Variants in MRGPRX3 observed in about 807,000 individuals in gnomAD.
MRGPRX3 encodes the protein MAS related GPR family member X3, also known as mas-related G protein-coupled receptor member X3.
MRGPRX3 carries 14 observed loss-of-function variants against 16.5 expected under a neutral mutation model. The ratio of observed to expected loss-of-function variants is 0.85; its 90% CI spans 0.56 to 1.33. The LOEUF is 1.33. Ranked by LOEUF, MRGPRX3 falls within the 40% of genes most tolerant of loss-of-function variation. The pLI is 0.00. For missense variants in MRGPRX3, 449 were observed against 413.0 expected (o/e 1.09, Z -0.76); for synonymous variants, 199 against 180.1 (o/e 1.10, Z -0.84).
chr11:18,130,316 A>G (rs1232883424), upstream of MRGPRX3, among the ~76,000 whole-genome samples: 3 of 152,192 alleles, frequency 2.0e-5, no homozygotes, highest in African/African-American at 7.2e-5. Flanking sequence ...GAACTGATAC[A>G]TAAATTCAGT....
intron 1 of MRGPRX3, among the ~76,000 whole-genome samples, chr11:18,124,260 T>G (rs1038140797): frequency 1.3e-5 from 2 of 152,354 alleles, no homozygotes; most frequent in African/African-American, 4.8e-5. Flanking sequence ...CATCCCTGTC[T>G]TGTGCCAGTT....
intron 1 of MRGPRX3, among the ~76,000 whole-genome samples, chr11:18,135,195 TTTAAAGAACATCA>T (rs1848997704): frequency 6.6e-6 from 1 of 152,190 alleles, no homozygotes; most frequent in South Asian, 2.1e-4. Context: ...ATAGACAGTC[TTTAAAGAACATCA>T]TAGCATGTTA....
chr11:18,137,719 T>C lies in MRGPRX3; in HGVS notation c.517T>C (p.Cys173Arg). Residue 173 changes from cysteine (C) to arginine (R), a missense_variant, in exon 2 of 2, where the codon TGT (cysteine) becomes CGT (arginine). By Grantham distance (180) the Cys-to-Arg change is radical. Transcript: ENST00000621697. ...GTTTAGTGGTGCTAATTCTGTTTGGTGTGAAACGTCAGATTTCATTACAAT... is the reference window on the plus strand; with the variant it reads ...GTTTAGTGGTGCTAATTCTGTTTGGCGTGAAACGTCAGATTTCATTACAAT... ...FLFSGANSVW[C>R]ETSDFITIAW... 1 of 1,614,082 alleles carries C rather than the reference T, an allele frequency of 6.2e-7. No homozygotes were observed. The highest frequency in any genetic ancestry group is 1.1e-5 in the South Asian group (1 of 91,058).
chr11:18,121,469 C>G (rs12417571), intron 1 of MRGPRX3, among the ~76,000 whole-genome samples: 14,940 of 151,336 alleles, frequency 0.099, 877 homozygotes, highest in Non-Finnish European at 0.14. Flanking sequence ...GTTAGCCCCC[C>G]GCCCGGCCAG....
upstream of MRGPRX3, among the ~76,000 whole-genome samples, chr11:18,127,768 A>G (rs1395088105): frequency 6.6e-6 from 1 of 152,004 alleles, no homozygotes; most frequent in African/African-American, 2.4e-5. Context: ...TCTTCTCTCA[A>G]CTTGTCAAAG....
At chr11:18,126,844 G>A (rs1848902423) in intron 1 of MRGPRX3, among the ~76,000 whole-genome samples, 1 of 152,132 alleles carries the variant, frequency 6.6e-6, no homozygotes. Flanking sequence ...TGGCTGCATA[G>A]TATTCCATGG....
intron 1 of MRGPRX3, among the ~76,000 whole-genome samples, chr11:18,124,143 G>A (rs1298055813): frequency 6.6e-6 from 1 of 152,106 alleles, no homozygotes; most frequent in Admixed American, 6.5e-5. Context: ...AACAGGGACA[G>A]TTTGACTTCC....
chr11:18,129,403 G>T (rs1170953816), upstream of MRGPRX3, among the ~76,000 whole-genome samples: 1 of 152,146 alleles, frequency 6.6e-6, no homozygotes, highest in Non-Finnish European at 1.5e-5. Context: ...AGACTATTGT[G>T]ATCACCTTTA....
chr11:18,127,640 C>G (rs1419060800), upstream of MRGPRX3, among the ~76,000 whole-genome samples: 1 of 152,228 alleles, frequency 6.6e-6, no homozygotes, highest in African/African-American at 2.4e-5. Flanking sequence ...TTAAGGACTT[C>G]TCTGCATTGG....
At position 18,121,150 on chromosome 11, in the gene MRGPRX3, G is replaced by A. The variant is rs1200572024; in HGVS notation, c.-166G>A. ...GTGAGGAGCGCCTCTGCCCGGTCGC[G>A]ACCCCGTCTGGGAGGTGAGGAGCGT... is the stretch of plus-strand genomic sequence containing the variant. On this transcript the variant is annotated 5_prime_UTR_variant, in exon 1 of 3. Transcript: ENST00000396275. 1.1e-4 allele frequency: 15 copies of A among 138,404 alleles called. No individual in the cohort carries two copies. In the South Asian group the frequency reaches 3.1e-3, roughly 28 times the overall value. 8.6% of individuals were successfully genotyped at this position (138,404 alleles called of 1,614,324 possible).
At chr11:18,134,193 A>T (rs954380490) in intron 1 of MRGPRX3, among the ~76,000 whole-genome samples, 3 of 152,250 alleles carry the variant, frequency 2.0e-5, no homozygotes, top group African/African-American at 7.2e-5. Flanking sequence ...TAAAAAGAAC[A>T]TATGTATTTT....
chr11:18,127,740 T>A (rs1007308138), upstream of MRGPRX3, among the ~76,000 whole-genome samples: 1 of 152,224 alleles, frequency 6.6e-6, no homozygotes, highest in Non-Finnish European at 1.5e-5. Flanking sequence ...CTCGGAGTAG[T>A]TTGATCGTCT....
intron 1 of MRGPRX3, among the ~76,000 whole-genome samples, chr11:18,135,593 T>C (rs1849000838): frequency 6.6e-6 from 1 of 152,208 alleles, no homozygotes; most frequent in African/African-American, 2.4e-5. Context: ...AATTTGTTCC[T>C]AAATGGCACG....
At chr11:18,135,509 G>T (rs1849000365) in intron 1 of MRGPRX3, among the ~76,000 whole-genome samples, 1 of 152,138 alleles carries the variant, frequency 6.6e-6, no homozygotes, top group African/African-American at 2.4e-5. Context: ...TTTCCACCTG[G>T]AGAGCTCCTG....
At chr11:18,125,078 T>A (rs1045760575) in intron 1 of MRGPRX3, among the ~76,000 whole-genome samples, 1 of 106,146 alleles carries the variant, frequency 9.4e-6, no homozygotes, top group Non-Finnish European at 2.3e-5. Context: ...TTCTTCTCTC[T>A]TTTCTTCTTT....
At position 18,137,165 on chromosome 11, in the gene MRGPRX3, T is replaced by C; in HGVS notation, c.-25-13T>C. On this transcript the variant is annotated splice_polypyrimidine_tract_variant and intron_variant, in intron 1 of 1. Coordinates refer to ENST00000621697, the MANE Select transcript of MRGPRX3 (RefSeq NM_001370464.1). ...TCAAACAGCTGGTGATCACATCTGG[T>C]TTCTGTTTCCAGGGTCATCAGACTG... is the stretch of plus-strand genomic sequence containing the variant. 1 of 1,548,844 alleles carries C rather than the reference T, an allele frequency of 6.5e-7. No homozygotes were observed. Among genetic ancestry groups the C allele is most frequent in the Non-Finnish European group, 8.7e-7 (1 of 1,146,364 alleles).
At chr11:18,130,708 A>C (rs1457034549), upstream of MRGPRX3, among the ~76,000 whole-genome samples, 1 of 151,582 alleles carries the variant, frequency 6.6e-6, no homozygotes, top group African/African-American at 2.4e-5. Context: ...AAAAAAAAAA[A>C]AAAACCCGCA....
At chr11:18,137,141 C>A in intron 1 of MRGPRX3, 37 bp from the exon 2 acceptor site, 1 of 1,527,820 alleles carries the variant, frequency 6.5e-7, no homozygotes, top group South Asian at 1.3e-5. Flanking sequence ...AATCAGAGAT[C>A]AAACAGCTGG....
intron 1 of MRGPRX3, among the ~76,000 whole-genome samples, chr11:18,134,732 A>G (rs1046398155): frequency 1.3e-5 from 2 of 152,230 alleles, no homozygotes; most frequent in Admixed American, 1.3e-4. Flanking sequence ...CAGCGACATT[A>G]GCATTCCAGT....
Sources: gnomAD v4.1 joint callset for allele counts (sites outside exome capture counted in the v4.1 genomes callset) on GRCh38, gnomAD v4.1.1 for gene constraint, MANE v1.5 for transcripts, NCBI Gene and HGNC (gene_info 2026-07-23, HGNC 2026-07-21) for gene names.